PCDH9: variants seen among roughly 807,000 people sequenced by gnomAD.
PCDH9 encodes the protein protocadherin-9.
A neutral mutation model predicts 70.6 loss-of-function variants in PCDH9; 24 were observed. The observed-to-expected ratio is 0.34, with a 90% CI of 0.25 to 0.48. The LOEUF is 0.48. PCDH9 is among the 20% of genes least tolerant of loss of function. PCDH9 has a pLI of 0.99. For missense variants in PCDH9, 1,281 were observed against 1,503.6 expected (o/e 0.85, Z 2.45); for synonymous variants, 562 against 558.5 (o/e 1.01, Z -0.09).
chr13:66,779,873 ATGTG>A (rs35090227), intron 3 of PCDH9, among the ~76,000 whole-genome samples: 9 of 115,836 alleles, frequency 7.8e-5, no homozygotes, highest in African/African-American at 2.0e-4. Flanking sequence ...ATATACATAT[ATGTG>A]TGTGTGTGTG....
intron 4 of PCDH9, among the ~76,000 whole-genome samples, chr13:66,542,299 GTTGAC>G (rs956419042): frequency 6.6e-6 from 1 of 152,104 alleles, no homozygotes; most frequent in Non-Finnish European, 1.5e-5. Flanking sequence ...ACTTTAATGT[GTTGAC>G]TTGACTAGGC....
chr13:67,037,751 G>A (rs908043116), intron 2 of PCDH9, among the ~76,000 whole-genome samples: 1 of 152,120 alleles, frequency 6.6e-6, no homozygotes, highest in Non-Finnish European at 1.5e-5. Context: ...CAAGAGCAGA[G>A]GAATGAAAGA....
In PCDH9 at chr13:66,469,242, T is replaced by C. The variant is rs117453115; in HGVS notation, c.3340+161968A>G. On this transcript the variant is annotated intron_variant, in intron 4 of 4. Transcript: ENST00000377865. ...GAGTTGACAGATTAATTTGTTTTAA[T>C]AAGGGTAGTAACGTACCTGTTTGCC... Among the ~76,000 whole-genome samples the C allele has an allele frequency of 4.6e-3, 693 of 152,212 alleles. 29 individuals carry two copies. In the East Asian group the frequency reaches 0.089, roughly 19 times the overall value.
At chr13:66,859,257 C>G (rs2081443160) in intron 3 of PCDH9, 1 of 152,144 alleles carries the variant, frequency 6.6e-6, no homozygotes, top group South Asian at 2.1e-4. Flanking sequence ...ACTCGAGACT[C>G]TACTCCACCA....
At chr13:67,032,367 C>T (rs2084925537) in intron 2 of PCDH9, among the ~76,000 whole-genome samples, 1 of 151,542 alleles carries the variant, frequency 6.6e-6, no homozygotes, top group African/African-American at 2.4e-5. Flanking sequence ...TTTCATCATG[C>T]TACCCAGGAT....
chr13:66,871,264 G>A (rs2081677692), intron 3 of PCDH9, among the ~76,000 whole-genome samples: 1 of 151,642 alleles, frequency 6.6e-6, no homozygotes, highest in Non-Finnish European at 1.5e-5. Context: ...GGGAGGGATA[G>A]CATTAGGAGA....
At chr13:66,652,293 A>C (rs1593840804) in intron 3 of PCDH9, among the ~76,000 whole-genome samples, 1 of 152,274 alleles carries the variant, frequency 6.6e-6, no homozygotes, top group East Asian at 1.9e-4. Flanking sequence ...TGCAGGATAC[A>C]AAATTAATAT....
At chr13:67,190,412 T>G (rs1566485194) in intron 2 of PCDH9, among the ~76,000 whole-genome samples, 1 of 151,958 alleles carries the variant, frequency 6.6e-6, no homozygotes, top group Non-Finnish European at 1.5e-5. Flanking sequence ...CTAGACTTCT[T>G]TATGGTAATT....
chr13:66,336,202 T>C (rs547413160), intron 4 of PCDH9, among the ~76,000 whole-genome samples: 13 of 152,148 alleles, frequency 8.5e-5, no homozygotes, highest in African/African-American at 3.1e-4. Flanking sequence ...TGTTAAAAAG[T>C]ATATACAAGC....
intron 4 of PCDH9, among the ~76,000 whole-genome samples, chr13:66,414,499 G>A (rs912472500): frequency 1.3e-5 from 2 of 152,156 alleles, no homozygotes; most frequent in East Asian, 1.9e-4. Flanking sequence ...ATTGCTTTAC[G>A]ATGGATCCTA....
intron 2 of PCDH9, among the ~76,000 whole-genome samples, chr13:66,964,400 G>T (rs903615722): frequency 2.0e-5 from 3 of 151,782 alleles, no homozygotes; most frequent in African/African-American, 4.8e-5. Context: ...CTTTAGCACT[G>T]AGAGAGAAAG....
intron 4 of PCDH9, among the ~76,000 whole-genome samples, chr13:66,527,217 G>A (rs1450631111): frequency 1.4e-5 from 2 of 147,130 alleles, no homozygotes; most frequent in Non-Finnish European, 1.5e-5. Flanking sequence ...ATTACTGTAA[G>A]TGTCAGGGTG....
intron 3 of PCDH9, among the ~76,000 whole-genome samples, chr13:66,808,166 T>A (rs1025236850): frequency 6.6e-6 from 1 of 152,196 alleles, no homozygotes; most frequent in South Asian, 2.1e-4. Flanking sequence ...TCATAGTCCA[T>A]AAGTCCATTT....
chr13:66,567,229 A>C (rs868525584), intron 4 of PCDH9, among the ~76,000 whole-genome samples: 1 of 152,100 alleles, frequency 6.6e-6, no homozygotes, highest in Non-Finnish European at 1.5e-5. Flanking sequence ...AATAGAATCT[A>C]CCTATCTGCT....
chr13:66,771,425 G>A (rs911590310), intron 3 of PCDH9, among the ~76,000 whole-genome samples: 4 of 150,932 alleles, frequency 2.7e-5, no homozygotes, highest in Admixed American at 1.3e-4. Flanking sequence ...TGTTCTTTTC[G>A]TAAATAGTTT....
At chr13:66,984,084 T>C (rs1258463775) in intron 2 of PCDH9, among the ~76,000 whole-genome samples, 1 of 152,104 alleles carries the variant, frequency 6.6e-6, no homozygotes, top group East Asian at 1.9e-4. Context: ...TCATATTATA[T>C]AAATATTCAC....
At chr13:67,138,383 G>A (rs191051501) in intron 2 of PCDH9, among the ~76,000 whole-genome samples, 40 of 152,174 alleles carry the variant, frequency 2.6e-4, no homozygotes, top group East Asian at 7.7e-4. Context: ...TTATTATAAC[G>A]GGTTTTGTTT....
chr13:66,580,637 C>T (rs763361285), intron 4 of PCDH9, among the ~76,000 whole-genome samples: 5 of 151,410 alleles, frequency 3.3e-5, no homozygotes, highest in Non-Finnish European at 5.9e-5. Flanking sequence ...ATGTCCTTAC[C>T]ATTGACAAAT....
chr13:66,738,159 G>A (rs371567530), intron 3 of PCDH9, among the ~76,000 whole-genome samples: 1 of 151,714 alleles, frequency 6.6e-6, no homozygotes, highest in Non-Finnish European at 1.5e-5. Flanking sequence ...ACGGGCAGAC[G>A]GCCTCCTCAA....
Sources: gnomAD v4.1 joint callset for allele counts (sites outside exome capture counted in the v4.1 genomes callset) on GRCh38, gnomAD v4.1.1 for gene constraint, MANE v1.5 for transcripts, NCBI Gene and HGNC (gene_info 2026-07-23, HGNC 2026-07-21) for gene names.